RFX3: variants seen among roughly 807,000 people sequenced by gnomAD.
RFX3 encodes regulatory factor X3, also known as transcription factor RFX3.
In RFX3, 14 loss-of-function variants were observed where a neutral mutation model predicts 98.6. That is an observed-to-expected ratio of 0.14 (90% CI 0.09 to 0.22). RFX3 has a LOEUF of 0.22. Ranked by LOEUF, RFX3 falls within the 10% of genes least tolerant of loss-of-function variation. RFX3 has a pLI of 1.00. For missense variants in RFX3, 639 were observed against 926.9 expected (o/e 0.69, Z 4.03); for synonymous variants, 383 against 328.4 (o/e 1.17, Z -1.80).
In RFX3 at chr9:3,222,393, T is replaced by C. The variant is rs1169788455; in HGVS notation, c.*2649A>G. 2.6e-5 allele frequency: 4 copies of C among 152,192 alleles called. No individual in the cohort carries two copies. The highest frequency in any genetic ancestry group is 9.6e-5 in the African/African-American group (4 of 41,464). 9.4% of individuals were successfully genotyped at this position (152,192 alleles called of 1,614,324 possible). A position where few individuals can be genotyped will look rare whatever the true frequency, so the allele number is the denominator to read the frequency against. On this transcript the variant is annotated 3_prime_UTR_variant, in exon 17 of 17. Coordinates refer to ENST00000617270, the MANE Select transcript of RFX3 (RefSeq NM_001282116.2). Reference sequence around the variant, plus strand: ...AAACCATGAACAATTGGAAGAAATGTTGAATCCTGGAGCATCCCCGATCCC... The same window carrying C: ...AAACCATGAACAATTGGAAGAAATGCTGAATCCTGGAGCATCCCCGATCCC...
chr9:3,266,863 G>C (rs190378909), intron 11 of RFX3, among the ~76,000 whole-genome samples: 1 of 151,992 alleles, frequency 6.6e-6, no homozygotes, highest in Admixed American at 6.6e-5. Flanking sequence ...AAATTTTTGG[G>C]CAATTATTTT....
chr9:3,465,677 T>G (rs1848146302), intron 1 of RFX3, among the ~76,000 whole-genome samples: 1 of 152,044 alleles, frequency 6.6e-6, no homozygotes, highest in Non-Finnish European at 1.5e-5. Context: ...TCAAAGCTAT[T>G]ATTCCTATTA....
intron 1 of RFX3, among the ~76,000 whole-genome samples, chr9:3,498,181 G>A (rs1232214084): frequency 1.3e-5 from 2 of 151,982 alleles, no homozygotes; most frequent in African/African-American, 4.8e-5. Context: ...AAGGAGAAAT[G>A]TTAACTTACA....
intron 1 of RFX3, among the ~76,000 whole-genome samples, chr9:3,459,805 T>C (rs1847525704): frequency 6.6e-6 from 1 of 152,060 alleles, no homozygotes; most frequent in African/African-American, 2.4e-5. Flanking sequence ...GAATAAGTTA[T>C]AGTTTGATAG....
rs973572485 is a variant in RFX3 at position 3,427,447 on chromosome 9, TATA to T, written c.-8-31854_-8-31852del. 8.5e-4 allele frequency among the ~76,000 whole-genome samples: 123 copies of T among 144,152 alleles called. 1 individual carries two copies. Among genetic ancestry groups the T allele is most frequent in the Non-Finnish European group, 6.9e-4 (46 of 66,458 alleles). The allele number at this position is 144,152 out of a possible 152,430, so 94.6% of individuals were successfully genotyped here. A position where few individuals can be genotyped will look rare whatever the true frequency, so the allele number is the denominator to read the frequency against. ...TACAATATATAAATATATATTGTTA[TATA>T]ATAATACAATATATAAATATATATT... is the stretch of plus-strand genomic sequence containing the variant. On this transcript the variant is annotated intron_variant, in intron 1 of 16. Transcript: ENST00000617270.
intron 1 of RFX3, among the ~76,000 whole-genome samples, chr9:3,524,198 G>A (rs892612040): frequency 6.6e-6 from 1 of 152,010 alleles, no homozygotes; most frequent in Non-Finnish European, 1.5e-5. Flanking sequence ...AAACTCTACT[G>A]ATAAATCTAT....
chr9:3,516,028 C>A (rs1818123725), intron 1 of RFX3, among the ~76,000 whole-genome samples: 2 of 151,850 alleles, frequency 1.3e-5, no homozygotes, highest in South Asian at 4.2e-4. Context: ...GTCTACTAAC[C>A]AAAGTAGTAT....
intron 1 of RFX3, among the ~76,000 whole-genome samples, chr9:3,493,700 AATATAT>A (rs1288255611): frequency 0.013 from 942 of 71,752 alleles, 29 homozygotes; most frequent in African/African-American, 0.046. Context: ...AAAAAAAAAA[AATATAT>A]ATATATATAT....
intron 2 of RFX3, among the ~76,000 whole-genome samples, chr9:3,389,562 T>C (rs1420924723): frequency 6.6e-6 from 1 of 152,130 alleles, no homozygotes; most frequent in Non-Finnish European, 1.5e-5. Flanking sequence ...CATTTCAGAT[T>C]GAGTATCCCT....
At chr9:3,434,884 T>C (rs1191433806) in intron 1 of RFX3, among the ~76,000 whole-genome samples, 1 of 152,094 alleles carries the variant, frequency 6.6e-6, no homozygotes, top group Non-Finnish European at 1.5e-5. Flanking sequence ...TGGTACAGCC[T>C]ATTATACACC....
chr9:3,317,522 T>A (rs200060196), intron 4 of RFX3, among the ~76,000 whole-genome samples: 7 of 151,816 alleles, frequency 4.6e-5, no homozygotes, highest in East Asian at 1.9e-4. Context: ...GACAAATGGG[T>A]TCTAATAAAA....
chr9:3,393,809 G>A (rs912925486), intron 2 of RFX3, among the ~76,000 whole-genome samples: 1 of 152,134 alleles, frequency 6.6e-6, no homozygotes, highest in Admixed American at 6.5e-5. Context: ...GACAATAAGA[G>A]ATACTGGGGA....
At position 3,221,441 on chromosome 9, in the gene RFX3, T is replaced by G. The variant is rs945099047; in HGVS notation, c.*3601A>C. On this transcript the variant is annotated 3_prime_UTR_variant, in exon 17 of 17. Coordinates refer to ENST00000617270, the MANE Select transcript of RFX3 (RefSeq NM_001282116.2). The stretch of plus-strand genomic sequence containing the variant: ...GCAGTCAATGCTGCACACTACTAAT[T>G]TTAGGTATGCAGTGTTAAAACCATT... 2.6e-5 allele frequency: 4 copies of G among 152,144 alleles called. No individual in the cohort carries two copies. The highest frequency in any genetic ancestry group is 9.7e-5 in the African/African-American group (4 of 41,450). 9.4% of individuals were successfully genotyped at this position (152,144 alleles called of 1,614,324 possible).
chr9:3,519,671 G>A (rs538537210), intron 1 of RFX3, among the ~76,000 whole-genome samples: 1 of 152,154 alleles, frequency 6.6e-6, no homozygotes, highest in East Asian at 1.9e-4. Context: ...CAACTAATGA[G>A]ATTATCTGAA....
intron 4 of RFX3, among the ~76,000 whole-genome samples, chr9:3,310,082 C>CAGAT (rs1829786114): frequency 6.6e-6 from 1 of 152,190 alleles, no homozygotes; most frequent in Non-Finnish European, 1.5e-5. Flanking sequence ...ATGCCACTTG[C>CAGAT]AGATGCTTCT....
At chr9:3,290,458 A>G (rs972285294) in intron 6 of RFX3, among the ~76,000 whole-genome samples, 1 of 152,182 alleles carries the variant, frequency 6.6e-6, no homozygotes, top group African/African-American at 2.4e-5. Flanking sequence ...CAATACAGCT[A>G]TTAGAATGTT....
intron 1 of RFX3, among the ~76,000 whole-genome samples, chr9:3,502,802 G>A (rs1468602061): frequency 6.6e-6 from 1 of 151,942 alleles, no homozygotes; most frequent in Non-Finnish European, 1.5e-5. Flanking sequence ...CATCTATGTC[G>A]GTTCTCTTTC....
chr9:3,245,092 T>C (rs1221723141), intron 15 of RFX3, among the ~76,000 whole-genome samples: 4 of 152,214 alleles, frequency 2.6e-5, no homozygotes, highest in Non-Finnish European at 2.9e-5. Context: ...AGGTATTACA[T>C]CTTTGACTAT....
chr9:3,385,706 A>C (rs1282076460), intron 2 of RFX3, among the ~76,000 whole-genome samples: 2 of 84,294 alleles, frequency 2.4e-5, no homozygotes, highest in East Asian at 5.2e-4. Context: ...AAAAAAAAAG[A>C]AAAGAAAAGA....
Sources: gnomAD v4.1 joint callset for allele counts (sites outside exome capture counted in the v4.1 genomes callset) on GRCh38, gnomAD v4.1.1 for gene constraint, MANE v1.5 for transcripts, NCBI Gene and HGNC (gene_info 2026-07-23, HGNC 2026-07-21) for gene names.